The following SCD5 variants were observed in gnomAD, a reference collection of about 807,000 sequenced individuals.
SCD5 encodes the protein stearoyl-CoA desaturase 5.
Under a neutral mutation model 30.4 loss-of-function variants are expected in SCD5, and 20 were observed. The ratio of observed to expected loss-of-function variants is 0.66; its 90% CI spans 0.46 to 0.96. SCD5 has a LOEUF of 0.96. Among genes scored for constraint, SCD5 ranks in the 40% least tolerant of loss-of-function variants. SCD5 has a pLI of 0.00. For synonymous variants in SCD5, 173 were observed against 176.4 expected (o/e 0.98, Z 0.16); for missense variants, 381 against 443.3 (o/e 0.86, Z 1.26).
intron 3 of SCD5, among the ~76,000 whole-genome samples, chr4:82,662,857 C>CAAAAA (rs11340677): frequency 1.4e-5 from 1 of 72,848 alleles, no homozygotes; most frequent in Non-Finnish European, 2.8e-5. Flanking sequence ...AACTCCGTCT[C>CAAAAA]AAAAAAAAAA....
At chr4:82,705,237 C>A in intron 2 of SCD5, 46 bp downstream of exon 2, 1 of 1,605,564 alleles carries the variant, frequency 6.2e-7, no homozygotes, top group Non-Finnish European at 8.5e-7. Flanking sequence ...CCCATACTGC[C>A]ATCTGCACTG....
intron 3 of SCD5, chr4:82,661,147 G>A (rs1163076919): frequency 1.5e-6 from 2 of 1,337,990 alleles, no homozygotes; most frequent in Non-Finnish European, 2.1e-6. Context: ...AATTTCTCTA[G>A]TGCTCCTGTA....
intron 1 of SCD5, among the ~76,000 whole-genome samples, chr4:82,721,560 G>A (rs919664001): frequency 6.6e-6 from 1 of 152,208 alleles, no homozygotes; most frequent in Admixed American, 6.5e-5. Flanking sequence ...GGGTTGACTA[G>A]TCCAGTGTGA....
chr4:82,688,601 C>G (rs1343956780), intron 2 of SCD5, among the ~76,000 whole-genome samples: 2 of 152,084 alleles, frequency 1.3e-5, no homozygotes, highest in Non-Finnish European at 2.9e-5. Context: ...CAGAAAGTCC[C>G]CAAGAGTGGC....
intron 3 of SCD5, among the ~76,000 whole-genome samples, chr4:82,662,871 A>C (rs545471819): frequency 1.3e-5 from 2 of 152,124 alleles, no homozygotes; most frequent in East Asian, 1.9e-4. Context: ...AAAAAAAAAA[A>C]AAAAACACAC....
intron 1 of SCD5, among the ~76,000 whole-genome samples, chr4:82,730,168 G>C (rs1720596133): frequency 6.7e-6 from 1 of 149,378 alleles, no homozygotes; most frequent in South Asian, 2.1e-4. Flanking sequence ...AGGAACCTAG[G>C]AGAATAAGGG....
Position 82,785,550 on chromosome 4 carries a change from G to A in SCD5, c.232+12756C>T, listed in dbSNP as rs115673714. Among the ~76,000 whole-genome samples the A allele has an allele frequency of 1.9e-3, 282 of 152,174 alleles. 1 individual carries two copies. Among genetic ancestry groups the A allele is most frequent in the African/African-American group, 6.1e-3 (254 of 41,512 alleles). On this transcript the variant is annotated intron_variant, in intron 1 of 4. Coordinates refer to ENST00000319540, the MANE Select transcript of SCD5 (RefSeq NM_001037582.3). Reference sequence around the variant, plus strand: ...AAAGTCACCTCCTTGAGAATTACTCGTTTCCTGGTTACCTCCCATGTATAC... The same window carrying A: ...AAAGTCACCTCCTTGAGAATTACTCATTTCCTGGTTACCTCCCATGTATAC...
intron 2 of SCD5, among the ~76,000 whole-genome samples, chr4:82,682,441 G>T (rs1299148233): frequency 6.6e-6 from 1 of 152,012 alleles, no homozygotes; most frequent in South Asian, 2.1e-4. Flanking sequence ...TTGAGAAGAT[G>T]AATTAAATTG....
At chr4:82,647,413 GGA>G (rs1383056310) in intron 3 of SCD5, among the ~76,000 whole-genome samples, 1 of 152,186 alleles carries the variant, frequency 6.6e-6, no homozygotes, top group African/African-American at 2.4e-5. Flanking sequence ...AAGAGCCAAT[GGA>G]GTTATTTTAG....
chr4:82,634,097 T>C (rs1727374807), intron 4 of SCD5, among the ~76,000 whole-genome samples: 1 of 152,268 alleles, frequency 6.6e-6, no homozygotes, highest in Non-Finnish European at 1.5e-5. Flanking sequence ...ATTCTTTTTA[T>C]TGCCAAACGG....
intron 3 of SCD5, among the ~76,000 whole-genome samples, chr4:82,651,234 G>A (rs557445799): frequency 1.9e-4 from 29 of 152,326 alleles, no homozygotes; most frequent in African/African-American, 7.0e-4. Context: ...GAGAACTACT[G>A]ACCTTAGCTT....
chr4:82,746,953 GGCGTC>G (rs59408877), intron 1 of SCD5, among the ~76,000 whole-genome samples: 96,727 of 151,366 alleles, frequency 0.64, 32,563 homozygotes, highest in Non-Finnish European at 0.75. Context: ...CAGACACAAG[GGCGTC>G]AGGGGGAGAG....
intron 1 of SCD5, among the ~76,000 whole-genome samples, chr4:82,760,802 T>C (rs977256820): frequency 1.3e-5 from 2 of 152,224 alleles, no homozygotes; most frequent in African/African-American, 2.4e-5. Flanking sequence ...TGTATGGCAA[T>C]TCATTCTTGC....
At chr4:82,710,206 G>A (rs1720052706) in intron 1 of SCD5, among the ~76,000 whole-genome samples, 1 of 152,122 alleles carries the variant, frequency 6.6e-6, no homozygotes, top group Non-Finnish European at 1.5e-5. Context: ...TGCAAAACCA[G>A]GGCTGAGAAA....
intron 1 of SCD5, among the ~76,000 whole-genome samples, chr4:82,770,203 G>C (rs1721590395): frequency 6.6e-6 from 1 of 151,934 alleles, no homozygotes; most frequent in African/African-American, 2.4e-5. Context: ...CCCCACGATA[G>C]GCCCCGGTGT....
intron 1 of SCD5, among the ~76,000 whole-genome samples, chr4:82,746,088 A>T (rs1720976060): frequency 2.6e-5 from 4 of 152,328 alleles, no homozygotes; most frequent in African/African-American, 9.6e-5. Context: ...ATTTTTCTTA[A>T]AAATTGCTTT....
At chr4:82,642,741 C>T (rs1177169909) in intron 3 of SCD5, among the ~76,000 whole-genome samples, 1 of 152,212 alleles carries the variant, frequency 6.6e-6, no homozygotes, top group African/African-American at 2.4e-5. Context: ...AATTGGGGAA[C>T]ATTTAAAAGT....
intron 1 of SCD5, chr4:82,753,463 G>A (rs762350250): frequency 2.0e-5 from 10 of 498,398 alleles, no homozygotes; most frequent in East Asian, 6.1e-5. Context: ...CCAGAGTCAC[G>A]CGGGTGGACT....
chr4:82,783,080 GT>G (rs1287691236), intron 1 of SCD5, among the ~76,000 whole-genome samples: 1 of 152,194 alleles, frequency 6.6e-6, no homozygotes, highest in Non-Finnish European at 1.5e-5. Flanking sequence ...TACTAATTCT[GT>G]AGGTCTGGAT....
Sources: allele counts gnomAD v4.1 joint callset (sites outside exome capture counted in the v4.1 genomes callset), GRCh38; gene constraint gnomAD v4.1.1; transcripts MANE v1.5; gene names NCBI Gene and HGNC (gene_info 2026-07-23, HGNC 2026-07-21).